Variants in SYNPO observed in about 807,000 individuals in gnomAD.
SYNPO encodes synaptopodin.
Under a neutral mutation model 49.5 loss-of-function variants are expected in SYNPO, and 19 were observed. The observed-to-expected ratio is 0.38, with a 90% CI of 0.27 to 0.56. The LOEUF (loss-of-function observed/expected upper bound fraction) is 0.56. SYNPO is among the 20% of genes least tolerant of loss of function. SYNPO has a pLI of 0.68. For missense variants in SYNPO, 1,131 were observed against 1,248.3 expected (o/e 0.91, Z 1.42); for synonymous variants, 536 against 548.0 (o/e 0.98, Z 0.31).
intron 2 of SYNPO, chr5:150,651,289 G>A: frequency 1.0e-6 from 1 of 1,001,164 alleles, no homozygotes; most frequent in South Asian, 4.7e-5. Context: ...CAGGAGAGGA[G>A]GGTTCCGGTC....
intron 1 of SYNPO, among the ~76,000 whole-genome samples, chr5:150,607,218 G>C (rs1298659589): frequency 6.6e-6 from 1 of 152,114 alleles, no homozygotes; most frequent in Non-Finnish European, 1.5e-5. Flanking sequence ...CAGTTATTTA[G>C]TGACGTCTTT....
chr5:150,655,679 G>A (rs761878280), intron 2 of SYNPO, among the ~76,000 whole-genome samples: 52 of 152,202 alleles, frequency 3.4e-4, no homozygotes, highest in Non-Finnish European at 4.9e-4. Context: ...TTGAGACAGA[G>A]TCTCGCTGTG....
intron 2 of SYNPO, among the ~76,000 whole-genome samples, chr5:150,628,134 G>T (rs1304868407): frequency 1.3e-5 from 2 of 152,052 alleles, no homozygotes; most frequent in Non-Finnish European, 2.9e-5. Flanking sequence ...GCCAGAGGAG[G>T]AGTCAACATG....
chr5:150,656,727 C>G lies in SYNPO; in HGVS notation c.2352C>G (p.Ser784=). 7.4e-7 allele frequency: 1 copy of G among 1,349,640 alleles called. No homozygotes were observed. 83.6% of individuals were successfully genotyped at this position (1,349,640 alleles called of 1,614,324 possible). A position where few individuals can be genotyped will look rare whatever the true frequency, so the allele number is the denominator to read the frequency against. The part of the protein sequence containing the change: ...SAGAENPRPF[S]PPRAPPPPPP... ...GCGCCGAGAACCCGCGGCCCTTCTC[C>G]CCGCCGAGGGCGCCACCGCCCCCGC... The change falls in exon 3 of 3, where the codon TCC becomes TCG. Residue 784 remains serine (S), a synonymous_variant. Coordinates refer to ENST00000307662, the MANE Select transcript of SYNPO (RefSeq NM_007286.6).
chr5:150,656,301 C>T (rs1758547460), intron 2 of SYNPO, 103 bp from the exon 3 acceptor site: 2 of 975,012 alleles, frequency 2.1e-6, no homozygotes, highest in East Asian at 3.0e-5. Context: ...CGGTGGCTTC[C>T]CTTCTCGGTG....
At position 150,656,927 on chromosome 5, in the gene SYNPO, A is replaced by G. The variant is rs1269997921; in HGVS notation, c.2552A>G (p.Tyr851Cys). 5.1e-6 allele frequency: 8 copies of G among 1,579,332 alleles called. No homozygotes were observed. Among genetic ancestry groups the G allele is most frequent in the East Asian group, 4.7e-5 (2 of 42,650 alleles). ...CCCGCGCCTCCCAGGCCCTTCCTCT[A>G]CCGCCGCTCGCCCACGGACTCCGAC... ...PLPAPPRPFL[Y>C]RRSPTDSDVS... Residue 851 changes from tyrosine to cysteine, a missense_variant, in exon 3 of 3, where the codon TAC (tyrosine) becomes TGC (cysteine). Transcript: ENST00000307662.
chr5:150,607,175 G>T (rs1034520688), intron 1 of SYNPO, among the ~76,000 whole-genome samples: 14 of 152,012 alleles, frequency 9.2e-5, no homozygotes, highest in Non-Finnish European at 2.9e-5. Flanking sequence ...AACTGCCTAG[G>T]TACAGGATGT....
intron 2 of SYNPO, among the ~76,000 whole-genome samples, chr5:150,628,020 CTGTGTGTGTGTGTTTCTGTGTG>C (rs1757415153): frequency 7.0e-6 from 1 of 142,094 alleles, no homozygotes. Flanking sequence ...GTGTGTGTTT[CTGTGTGTGTGTGTTTCTGTGTG>C]TGTGTGTGTG....
chr5:150,619,020 C>T (rs928910244), intron 2 of SYNPO, among the ~76,000 whole-genome samples: 1 of 151,360 alleles, frequency 6.6e-6, no homozygotes, highest in Non-Finnish European at 1.5e-5. Flanking sequence ...GAGAAAGCCA[C>T]ATTATCTTGC....
intron 2 of SYNPO, among the ~76,000 whole-genome samples, chr5:150,633,562 C>A (rs1055731583): frequency 2.0e-5 from 3 of 152,138 alleles, no homozygotes; most frequent in African/African-American, 7.2e-5. Flanking sequence ...ACACTGGGGG[C>A]TGGGAGTCAA....
At position 150,649,144 on chromosome 5, in the gene SYNPO, C is replaced by A. The variant is rs376160462; in HGVS notation, c.869C>A (p.Ser290Tyr). The change falls in exon 2 of 3, where the codon TCC (serine) becomes TAC (tyrosine). Residue 290 changes from serine to tyrosine, a missense_variant. Physicochemically the swap from Ser to Tyr is moderately radical, Grantham distance 144 (BLOSUM62 -2). Transcript: ENST00000307662. ...RSPRPQRHIM[S>Y]RSPMVERRMM... is the part of the protein sequence containing the mutation. ...CCCCGGCCACAGAGACACATAATGT[C>A]CCGCAGCCCCATGGTGGAAAGGAGG... is the stretch of plus-strand genomic sequence containing the variant. 1 of 1,614,004 alleles carries A rather than the reference C, an allele frequency of 6.2e-7. No homozygotes were observed. Among genetic ancestry groups the A allele is most frequent in the African/African-American group, 1.3e-5 (1 of 74,908 alleles).
intron 1 of SYNPO, among the ~76,000 whole-genome samples, chr5:150,606,071 G>A (rs2151339334): frequency 6.6e-6 from 1 of 152,076 alleles, no homozygotes; most frequent in East Asian, 1.9e-4. Flanking sequence ...ACGTACATGT[G>A]CACACATACA....
At position 150,649,241 on chromosome 5, in the gene SYNPO, T is replaced by G; in HGVS notation, c.966T>G (p.Thr322=). 1.2e-6 allele frequency: 2 copies of G among 1,614,142 alleles called. No individual in the cohort carries two copies. Among genetic ancestry groups the G allele is most frequent in the South Asian group, 1.1e-5 (1 of 91,074 alleles). The part of the protein sequence containing the change: ...LGNFTAPPTY[T]ETLSTAPLAS... The stretch of plus-strand genomic sequence containing the variant: ...ACTTCACTGCACCCCCCACCTACAC[T>G]GAGACCTTGTCCACAGCCCCTCTGG... Residue 322 remains threonine (T), a synonymous_variant, in exon 2 of 3, where the codon ACT becomes ACG. Coordinates refer to ENST00000307662, the MANE Select transcript of SYNPO (RefSeq NM_007286.6).
chr5:150,628,857 G>A (rs1757448625), intron 2 of SYNPO, among the ~76,000 whole-genome samples: 1 of 152,224 alleles, frequency 6.6e-6, no homozygotes, highest in Non-Finnish European at 1.5e-5. Flanking sequence ...GCAGTGAGCC[G>A]AGATCGCGCC....
chr5:150,593,497 T>C, the SYNPO span, among the ~76,000 whole-genome samples: 1 of 152,198 alleles, frequency 6.6e-6, no homozygotes, highest in African/African-American at 2.4e-5. Flanking sequence ...GGTCTTGCTC[T>C]GTCTTCCAGG....
At chr5:150,618,800 A>G (rs1202666740) in intron 2 of SYNPO, 3 of 1,550,310 alleles carry the variant, frequency 1.9e-6, no homozygotes, top group Non-Finnish European at 1.7e-6. Context: ...TTGGACTACC[A>G]GAGTCACTGG....
rs548718924 is a variant in SYNPO at position 150,604,546 on chromosome 5, G to A, written c.-266+3358G>A. Among the ~76,000 whole-genome samples, 6 of 152,142 alleles carry A rather than the reference G, an allele frequency of 3.9e-5. No homozygotes were observed. In the South Asian group the frequency reaches 8.3e-4, roughly 21 times the overall value. On this transcript the variant is annotated intron_variant, in intron 1 of 2. Transcript: ENST00000394243. ...CTATGGAGTCACATCCATATCTACCGGTGGCAATGTTAACTTTAGGCGAGG... is the reference window on the plus strand; with the variant it reads ...CTATGGAGTCACATCCATATCTACCAGTGGCAATGTTAACTTTAGGCGAGG...
At chr5:150,621,266 T>C (rs1014005991) in intron 2 of SYNPO, among the ~76,000 whole-genome samples, 2 of 152,182 alleles carry the variant, frequency 1.3e-5, no homozygotes, top group Non-Finnish European at 2.9e-5. Flanking sequence ...TTCCTTTCTT[T>C]ACTGTCCAGC....
chr5:150,647,108 T>C (rs1311717788), intron 1 of SYNPO, among the ~76,000 whole-genome samples: 2 of 152,138 alleles, frequency 1.3e-5, no homozygotes, highest in African/African-American at 4.8e-5. Context: ...CCGGGCATGG[T>C]GGCACATGCC....
Sources: gnomAD v4.1 joint callset for allele counts (sites outside exome capture counted in the v4.1 genomes callset) on GRCh38, gnomAD v4.1.1 for gene constraint, MANE v1.5 for transcripts, NCBI Gene and HGNC (gene_info 2026-07-23, HGNC 2026-07-21) for gene names.